The following NELL1 variants were observed in gnomAD, a reference collection of about 807,000 sequenced individuals.
The protein encoded by NELL1 is neural EGFL like 1, also known as protein kinase C-binding protein NELL1.
A neutral mutation model predicts 107.4 loss-of-function variants in NELL1; 76 were observed. The observed-to-expected ratio is 0.71, with a 90% confidence interval of 0.59 to 0.86. NELL1 has a LOEUF of 0.86. Among genes scored for constraint, NELL1 ranks in the 40% least tolerant of loss-of-function variants. The pLI is 0.00. For synonymous variants in NELL1, 353 were observed against 341.2 expected (o/e 1.03, Z -0.38); for missense variants, 1,024 against 1,005.5 (o/e 1.02, Z -0.25).
intron 15 of NELL1, among the ~76,000 whole-genome samples, chr11:21,440,114 C>T (rs1853240817): frequency 1.3e-5 from 2 of 152,060 alleles, no homozygotes; most frequent in Admixed American, 1.3e-4. Context: ...TCATAGAATT[C>T]CAGGATCAGG....
chr11:20,998,107 T>G (rs1319131578), intron 12 of NELL1, among the ~76,000 whole-genome samples: 1 of 152,234 alleles, frequency 6.6e-6, no homozygotes, highest in Admixed American at 6.5e-5. Context: ...TGTTAACATT[T>G]TCCATCTCCT....
chr11:21,127,063 T>TGG (rs1855502451), intron 13 of NELL1, among the ~76,000 whole-genome samples: 1 of 152,192 alleles, frequency 6.6e-6, no homozygotes, highest in Non-Finnish European at 1.5e-5. Flanking sequence ...TTCTGCTGGC[T>TGG]GGCATCTAGT....
At chr11:21,488,302 A>G (rs1854696954) in intron 15 of NELL1, among the ~76,000 whole-genome samples, 2 of 152,214 alleles carry the variant, frequency 1.3e-5, no homozygotes, top group South Asian at 4.1e-4. Flanking sequence ...CCAATTAAAA[A>G]AAAAAAGAAA....
chr11:21,094,668 G>C (rs1449772760), intron 12 of NELL1, among the ~76,000 whole-genome samples: 2 of 152,174 alleles, frequency 1.3e-5, no homozygotes, highest in Non-Finnish European at 2.9e-5. Context: ...AGCTGTCAAG[G>C]CTTGGAGCTT....
At chr11:20,695,662 G>A (rs573267562) in intron 2 of NELL1, among the ~76,000 whole-genome samples, 2 of 152,164 alleles carry the variant, frequency 1.3e-5, no homozygotes, top group Admixed American at 6.6e-5. Context: ...TGTGCTACTG[G>A]ATTCTGTTTG....
intron 10 of NELL1, among the ~76,000 whole-genome samples, chr11:20,943,211 T>G (rs1799596224): frequency 6.6e-6 from 1 of 152,230 alleles, no homozygotes; most frequent in African/African-American, 2.4e-5. Flanking sequence ...AGTTATTTAC[T>G]AATTACTTTG....
chr11:21,179,482 A>C (rs1590709021), intron 13 of NELL1, among the ~76,000 whole-genome samples: 1 of 151,900 alleles, frequency 6.6e-6, no homozygotes, highest in South Asian at 2.1e-4. Flanking sequence ...GTGTATTCTC[A>C]TCCAACTTGT....
intron 4 of NELL1, among the ~76,000 whole-genome samples, chr11:20,867,595 T>C (rs1462541115): frequency 1.3e-5 from 2 of 152,248 alleles, no homozygotes; most frequent in African/African-American, 4.8e-5. Flanking sequence ...TTGAACTTGC[T>C]GATCTCTGGG....
At position 21,262,469 on chromosome 11, in the gene NELL1, T is replaced by G. The variant is rs1848554016; in HGVS notation, c.1549+33015T>G. 3 of 151,904 alleles carry G rather than the reference T, an allele frequency of 2.0e-5. No individual in the cohort carries two copies. In the South Asian group the frequency reaches 6.2e-4, roughly 31 times the overall value. 9.4% of individuals were successfully genotyped at this position (151,904 alleles called of 1,614,324 possible). On this transcript the variant is annotated intron_variant, in intron 14 of 19. Transcript: ENST00000357134. ...ACTGTCTTATGAAGTGAGTTAATAT[T>G]TACAAATTGCTAAGAAAACTATCTG...
chr11:21,517,593 G>A (rs932594710), intron 15 of NELL1, among the ~76,000 whole-genome samples: 1 of 152,098 alleles, frequency 6.6e-6, no homozygotes, highest in East Asian at 1.9e-4. Context: ...AATCCTCTGT[G>A]CCTCTATGAT....
intron 4 of NELL1, among the ~76,000 whole-genome samples, chr11:20,854,994 A>G (rs964434940): frequency 6.6e-6 from 1 of 152,242 alleles, no homozygotes; most frequent in African/African-American, 2.4e-5. Context: ...TTGCTAAGGC[A>G]GCCTGACCAT....
At chr11:20,753,783 G>A (rs568827986) in intron 2 of NELL1, among the ~76,000 whole-genome samples, 1 of 152,206 alleles carries the variant, frequency 6.6e-6, no homozygotes, top group Admixed American at 6.5e-5. Context: ...TCTGTCTTGG[G>A]CTGGCTATAT....
chr11:20,969,477 A>G (rs187288188), intron 12 of NELL1, among the ~76,000 whole-genome samples: 16 of 152,274 alleles, frequency 1.1e-4, no homozygotes, highest in African/African-American at 3.4e-4. Context: ...TCCAAGCAAC[A>G]TAGCAAAAGA....
intron 5 of NELL1, among the ~76,000 whole-genome samples, chr11:20,899,264 CA>C (rs1201383441): frequency 1.3e-5 from 2 of 151,900 alleles, no homozygotes; most frequent in African/African-American, 4.8e-5. Flanking sequence ...CCACAAATTA[CA>C]AAAAATGATA....
chr11:21,296,030 A>C (rs1264840042), intron 14 of NELL1, among the ~76,000 whole-genome samples: 1 of 152,096 alleles, frequency 6.6e-6, no homozygotes, highest in Non-Finnish European at 1.5e-5. Context: ...AATTTAGTGC[A>C]TACACAATAG....
intron 3 of NELL1, among the ~76,000 whole-genome samples, chr11:20,834,217 A>G (rs1848488869): frequency 6.6e-6 from 1 of 152,188 alleles, no homozygotes; most frequent in Non-Finnish European, 1.5e-5. Flanking sequence ...TGTGGTAGAT[A>G]CTTTGGAACA....
At chr11:21,395,681 A>G (rs1851964716) in intron 15 of NELL1, among the ~76,000 whole-genome samples, 1 of 151,608 alleles carries the variant, frequency 6.6e-6, no homozygotes, top group Non-Finnish European at 1.5e-5. Context: ...ACTAGTATAC[A>G]GGAAATAACA....
At chr11:21,147,354 T>C (rs1481830936) in intron 13 of NELL1, among the ~76,000 whole-genome samples, 1 of 152,192 alleles carries the variant, frequency 6.6e-6, no homozygotes, top group Non-Finnish European at 1.5e-5. Flanking sequence ...ATTTGTTTTC[T>C]TGGAGAATTT....
At chr11:20,737,496 C>G (rs1855789192) in intron 2 of NELL1, among the ~76,000 whole-genome samples, 1 of 151,678 alleles carries the variant, frequency 6.6e-6, no homozygotes, top group Non-Finnish European at 1.5e-5. Flanking sequence ...AGAATGTGAC[C>G]CTGAGTCAGT....
Sources: gnomAD v4.1 joint callset for allele counts (sites outside exome capture counted in the v4.1 genomes callset) on GRCh38, gnomAD v4.1.1 for gene constraint, MANE v1.5 for transcripts, NCBI Gene and HGNC (gene_info 2026-07-23, HGNC 2026-07-21) for gene names.